Variants in CFAP299 observed in about 807,000 individuals in gnomAD.
The protein encoded by CFAP299 is cilia- and flagella-associated protein 299.
CFAP299 carries 21 observed loss-of-function variants against 27.0 expected under a neutral mutation model. The observed-to-expected ratio is 0.78, with a 90% CI of 0.55 to 1.12. The LOEUF (loss-of-function observed/expected upper bound fraction) is 1.12. Among genes scored for constraint, CFAP299 ranks in the 50% most tolerant of loss-of-function variants. The pLI is 0.00. For missense variants in CFAP299, 310 were observed against 276.6 expected, an observed-to-expected ratio of 1.12 and a Z score of -0.86; for synonymous variants, 104 against 98.1, an observed-to-expected ratio of 1.06 and a Z score of -0.36.
At chr4:80,446,129 A>G (rs1425883354) in intron 2 of CFAP299, among the ~76,000 whole-genome samples, 1 of 152,170 alleles carries the variant, frequency 6.6e-6, no homozygotes, top group African/African-American at 2.4e-5. Flanking sequence ...AAGAGAGAGG[A>G]AGGATTCAGG....
chr4:80,467,970 C>T (rs1395990903), intron 2 of CFAP299, among the ~76,000 whole-genome samples: 1 of 152,182 alleles, frequency 6.6e-6, no homozygotes, highest in Admixed American at 6.5e-5. Context: ...ATAATCTAAT[C>T]ACCTCTCATC....
intron 3 of CFAP299, among the ~76,000 whole-genome samples, chr4:80,607,193 G>A (rs1042617487): frequency 3.9e-5 from 6 of 152,030 alleles, no homozygotes; most frequent in Admixed American, 2.0e-4. Context: ...ACTTTCTCAG[G>A]AAGAGTATAG....
intron 3 of CFAP299, among the ~76,000 whole-genome samples, chr4:80,820,528 C>T (rs1220151015): frequency 2.1e-5 from 3 of 146,302 alleles, no homozygotes; most frequent in East Asian, 2.1e-4. Context: ...GTTGCTGGAG[C>T]GTAGTGGGGC....
chr4:80,639,667 TTTTA>T (rs1197809490), intron 3 of CFAP299: 7 of 153,318 alleles, frequency 4.6e-5, no homozygotes, highest in South Asian at 2.1e-4. Context: ...AGAGTTATGT[TTTTA>T]TTTATTTATT....
At chr4:80,855,481 G>A (rs1731800714) in intron 3 of CFAP299, among the ~76,000 whole-genome samples, 1 of 152,012 alleles carries the variant, frequency 6.6e-6, no homozygotes, top group Non-Finnish European at 1.5e-5. Flanking sequence ...ATGTATACAT[G>A]TGACATGCTG....
At chr4:80,889,503 G>C (rs1051078460) in intron 4 of CFAP299, among the ~76,000 whole-genome samples, 1 of 151,774 alleles carries the variant, frequency 6.6e-6, no homozygotes, top group Non-Finnish European at 1.5e-5. Context: ...CCAAAGAAAC[G>C]CCTGGGACCC....
chr4:80,466,872 T>G (rs1294764841), intron 2 of CFAP299, among the ~76,000 whole-genome samples: 5 of 152,210 alleles, frequency 3.3e-5, no homozygotes, highest in Admixed American at 6.5e-5. Context: ...CAGAGATGTA[T>G]GCCAGTACCA....
At chr4:80,963,455 A>AG (rs1251564527) in intron 5 of CFAP299, 62 bp from the exon 6 acceptor site, 1 of 1,030,532 alleles carries the variant, frequency 9.7e-7, no homozygotes, top group Non-Finnish European at 1.3e-6. Context: ...ATAAAAAAAA[A>AG]ATTTTAAAAA....
At chr4:80,644,643 T>G (rs1283683930) in intron 3 of CFAP299, among the ~76,000 whole-genome samples, 1 of 152,186 alleles carries the variant, frequency 6.6e-6, no homozygotes, top group Non-Finnish European at 1.5e-5. Context: ...TGTCTAAATA[T>G]TCTATGAAGT....
the CFAP299 span, among the ~76,000 whole-genome samples, chr4:80,321,823 C>T: frequency 5.4e-4 from 82 of 151,838 alleles, 1 homozygote; most frequent in Non-Finnish European, 1.3e-4. Flanking sequence ...ATGTGGAGAC[C>T]AAGAATAATA....
chr4:80,533,463 GC>G (rs1057381287), intron 2 of CFAP299, among the ~76,000 whole-genome samples: 19 of 151,952 alleles, frequency 1.3e-4, no homozygotes, highest in African/African-American at 4.6e-4. Flanking sequence ...AAAATTTTTT[GC>G]CACTAAATCC....
chr4:80,924,352 T>C (rs35831783), intron 4 of CFAP299, among the ~76,000 whole-genome samples: 1 of 151,998 alleles, frequency 6.6e-6, no homozygotes, highest in African/African-American at 2.4e-5. Flanking sequence ...AAAATCACTG[T>C]TCTCTCCAGG....
chr4:80,558,536 C>G (rs944976484), intron 2 of CFAP299, among the ~76,000 whole-genome samples: 3 of 151,856 alleles, frequency 2.0e-5, no homozygotes, highest in Non-Finnish European at 4.4e-5. Flanking sequence ...CAGATCAACA[C>G]AAACTTGAGG....
At chr4:80,412,265 A>C (rs1349343408) in intron 2 of CFAP299, among the ~76,000 whole-genome samples, 1 of 92,780 alleles carries the variant, frequency 1.1e-5, no homozygotes, top group Non-Finnish European at 2.2e-5. Flanking sequence ...CTGAATCCAC[A>C]TATAGTCCTT....
intron 2 of CFAP299, among the ~76,000 whole-genome samples, chr4:80,400,442 A>G (rs1338419836): frequency 6.6e-6 from 1 of 152,134 alleles, no homozygotes; most frequent in South Asian, 2.1e-4. Context: ...AGGGGAGTTA[A>G]TTGAATCATG....
At chr4:80,635,452 TC>T (rs1279136904) in intron 3 of CFAP299, among the ~76,000 whole-genome samples, 2 of 152,132 alleles carry the variant, frequency 1.3e-5, no homozygotes, top group Admixed American at 6.5e-5. Flanking sequence ...CCACATTACT[TC>T]CTTTACTCCT....
intron 2 of CFAP299, among the ~76,000 whole-genome samples, chr4:80,365,464 G>A (rs1437849347): frequency 6.6e-6 from 1 of 152,140 alleles, no homozygotes; most frequent in Non-Finnish European, 1.5e-5. Flanking sequence ...CAGTTCTTAA[G>A]ATTAGAGAAT....
chr4:80,615,030 C>G (rs995936936), intron 3 of CFAP299, among the ~76,000 whole-genome samples: 1 of 152,192 alleles, frequency 6.6e-6, no homozygotes, highest in Admixed American at 6.5e-5. Context: ...TATGGATTTC[C>G]TCAGTGGTAA....
chr4:80,366,040 ATGTTGCCTTTTGCCCCATG>A (rs1391705311), intron 2 of CFAP299, among the ~76,000 whole-genome samples: 2 of 152,112 alleles, frequency 1.3e-5, no homozygotes, highest in African/African-American at 4.8e-5. Flanking sequence ...TGGGTACCAT[ATGTTGCCTTTTGCCCCATG>A]TGGTAGTCCA....
Sources: allele counts gnomAD v4.1 joint callset (sites outside exome capture counted in the v4.1 genomes callset), GRCh38; gene constraint gnomAD v4.1.1; transcripts MANE v1.5; gene names NCBI Gene and HGNC (gene_info 2026-07-23, HGNC 2026-07-21).